The following NF1 variants were observed in gnomAD, a reference collection of about 807,000 sequenced individuals.
The protein encoded by NF1 is neurofibromin.
A neutral mutation model predicts 325.7 loss-of-function variants in NF1; 122 were observed. The observed-to-expected ratio is 0.37, with a 90% CI of 0.32 to 0.44. NF1 has a LOEUF of 0.44. Ranked by LOEUF, NF1 falls within the 20% of genes least tolerant of loss-of-function variation. The pLI is 1.00. For synonymous variants in NF1, 1,091 were observed against 1,186.0 expected (o/e 0.92, Z 1.65); for missense variants, 2,140 against 3,415.4 (o/e 0.63, Z 9.31).
Position 31,178,589 on chromosome 17 carries a change from C to T in NF1, c.587-2833C>T, listed in dbSNP as rs563324030. 2.0e-5 allele frequency among the ~76,000 whole-genome samples: 3 copies of T among 152,284 alleles called. No individual in the cohort carries two copies. In the South Asian group the frequency reaches 6.2e-4, roughly 32 times the overall value. ...TGGCAAATTGGATAAAGAGTCAAGA[C>T]CCATCACTGTGCTGTATTCAGGAGA... is the stretch of plus-strand genomic sequence containing the variant. On this transcript the variant is annotated intron_variant, in intron 5 of 57. Transcript: ENST00000358273.
Position 31,344,459 on chromosome 17 carries a change from G to T in NF1, c.7189+1324G>T, listed in dbSNP as rs140495692. Among the ~76,000 whole-genome samples the T allele has an allele frequency of 1.1e-3, 167 of 152,358 alleles. 1 individual carries two copies. The highest frequency in any genetic ancestry group is 2.2e-3 in the Non-Finnish European group (148 of 68,038). On this transcript the variant is annotated intron_variant, in intron 48 of 57. Coordinates refer to ENST00000358273, the MANE Select transcript of NF1 (RefSeq NM_001042492.3). ...GGATAAGGAGCTGGCATGAACCCCA[G>T]TGGTCTCAGAAGTGGATTTGGCCAC...
intron 5 of NF1, among the ~76,000 whole-genome samples, chr17:31,170,311 A>G (rs1354960423): frequency 6.6e-6 from 1 of 152,200 alleles, no homozygotes; most frequent in East Asian, 1.9e-4. Context: ...AAGGGTGGCT[A>G]TAGGTTATAG....
At chr17:31,355,657 C>G (rs1483302004) in intron 51 of NF1, 2 of 152,408 alleles carry the variant, frequency 1.3e-5, no homozygotes, top group African/African-American at 4.8e-5. Context: ...CGAGACCAGC[C>G]TGGGCAACAT....
chr17:31,110,591 A>C (rs1266531096), intron 1 of NF1, among the ~76,000 whole-genome samples: 1 of 152,162 alleles, frequency 6.6e-6, no homozygotes, highest in African/African-American at 2.4e-5. Flanking sequence ...TAGAGATGTG[A>C]AAGGGTGGAA....
At chr17:31,313,872 A>G (rs2151520624) in intron 36 of NF1, 1 of 392,598 alleles carries the variant, frequency 2.5e-6, no homozygotes, top group Non-Finnish European at 4.5e-6. Flanking sequence ...AACCTGTTAT[A>G]GACATCTTTA....
At chr17:31,173,528 A>T (rs1022020895) in intron 5 of NF1, among the ~76,000 whole-genome samples, 12 of 151,706 alleles carry the variant, frequency 7.9e-5, no homozygotes, top group Non-Finnish European at 1.8e-4. Flanking sequence ...AGCCTGGGAG[A>T]TGGAGGTTGT....
At position 31,259,132 on chromosome 17, in the gene NF1, A is replaced by G; in HGVS notation, c.4430+3A>G. On this transcript the variant is annotated splice_donor_region_variant and intron_variant, in intron 33 of 57. Coordinates refer to ENST00000358273, the MANE Select transcript of NF1 (RefSeq NM_001042492.3). ...AGCAACTTTGATGCAGCACGCAGGT[A>G]ATTTTCTTGCCACTTACTCAGTTGC... The G allele has an allele frequency of 6.3e-7, 1 of 1,587,482 alleles. No homozygotes were observed. Among genetic ancestry groups the G allele is most frequent in the Non-Finnish European group, 8.6e-7 (1 of 1,160,908 alleles).
At chr17:31,329,782 C>G (rs1344959628) in intron 38 of NF1, among the ~76,000 whole-genome samples, 2 of 151,878 alleles carry the variant, frequency 1.3e-5, no homozygotes, top group East Asian at 3.9e-4. Context: ...TTTAGGACAC[C>G]CAGAAAGAAG....
At chr17:31,316,112 G>C (rs2069015212) in intron 36 of NF1, among the ~76,000 whole-genome samples, 1 of 152,016 alleles carries the variant, frequency 6.6e-6, no homozygotes, top group Non-Finnish European at 1.5e-5. Flanking sequence ...TGTTGTGCAG[G>C]CTGGCCTCAA....
intron 1 of NF1, among the ~76,000 whole-genome samples, chr17:31,111,911 T>C (rs1412052883): frequency 6.6e-6 from 1 of 152,182 alleles, no homozygotes; most frequent in Non-Finnish European, 1.5e-5. Flanking sequence ...TTTTTGCTAT[T>C]CTAGAATAAT....
chr17:31,174,635 CT>C (rs1438677318), intron 5 of NF1, among the ~76,000 whole-genome samples: 1 of 152,128 alleles, frequency 6.6e-6, no homozygotes, highest in African/African-American at 2.4e-5. Context: ...TCAAAGCATA[CT>C]GAAAAGACCT....
intron 1 of NF1, among the ~76,000 whole-genome samples, chr17:31,149,298 A>ACACG (rs2143581734): frequency 6.6e-6 from 1 of 151,902 alleles, no homozygotes; most frequent in East Asian, 1.9e-4. Flanking sequence ...ACATACACAC[A>ACACG]CACACACACA....
chr17:31,172,684 TC>T (rs1243031490), intron 5 of NF1, among the ~76,000 whole-genome samples: 4 of 152,170 alleles, frequency 2.6e-5, no homozygotes, highest in African/African-American at 9.7e-5. Flanking sequence ...AAGATTGAGT[TC>T]ACATCTGCTC....
At chr17:31,320,379 A>G in intron 36 of NF1, 1 of 1,601,814 alleles carries the variant, frequency 6.2e-7, no homozygotes, top group Non-Finnish European at 8.5e-7. Context: ...TTACCTAGCT[A>G]GTATAGGTAG....
At chr17:31,296,618 T>C in intron 36 of NF1, 1 of 397,058 alleles carries the variant, frequency 2.5e-6, no homozygotes, top group Non-Finnish European at 4.7e-6. Flanking sequence ...CCATATTCTT[T>C]CTTATTTATC....
intron 1 of NF1, among the ~76,000 whole-genome samples, chr17:31,117,412 C>G (rs2143349348): frequency 6.6e-6 from 1 of 151,328 alleles, no homozygotes. Context: ...GTGGCTCATG[C>G]CTGTAATCCC....
In NF1 at chr17:31,150,865, C is replaced by A. The variant is rs1315915475; in HGVS notation, c.61-5118C>A. 3.9e-5 allele frequency among the ~76,000 whole-genome samples: 6 copies of A among 151,992 alleles called. No individual in the cohort carries two copies. In the South Asian group the frequency reaches 1.2e-3, roughly 31 times the overall value. On this transcript the variant is annotated intron_variant, in intron 1 of 57. Transcript: ENST00000358273. ...TGACCAACATGGTGAAACCCCGTCT[C>A]TACTAAAAATACAAAAAAATTAGCC...
chr17:31,305,008 T>C, intron 36 of NF1: 1 of 1,614,178 alleles, frequency 6.2e-7, no homozygotes, highest in African/African-American at 1.3e-5. Flanking sequence ...AGCTATTGAA[T>C]TATAATTGTT....
At chr17:31,287,143 C>T (rs1004709173) in intron 36 of NF1, among the ~76,000 whole-genome samples, 1 of 152,140 alleles carries the variant, frequency 6.6e-6, no homozygotes, top group African/African-American at 2.4e-5. Flanking sequence ...TGAAGCATAA[C>T]TGAAGATGTC....
Sources: gnomAD v4.1 joint callset for allele counts (sites outside exome capture counted in the v4.1 genomes callset) on GRCh38, gnomAD v4.1.1 for gene constraint, MANE v1.5 for transcripts, NCBI Gene and HGNC (gene_info 2026-07-23, HGNC 2026-07-21) for gene names.